The following DCAF6 variants were observed in gnomAD, a reference collection of about 807,000 sequenced individuals.
The protein encoded by DCAF6 is DDB1- and CUL4-associated factor 6.
In DCAF6, 54 loss-of-function variants were observed where a neutral mutation model predicts 125.1. That is an observed-to-expected ratio of 0.43 (90% CI 0.35 to 0.54). The LOEUF is 0.54. Among genes scored for constraint, DCAF6 ranks in the 20% least tolerant of loss-of-function variants. The pLI, the probability that DCAF6 is intolerant of heterozygous loss-of-function variation, is 0.01. For missense variants in DCAF6, 934 were observed against 1,161.7 expected (o/e 0.80, Z 2.85); for synonymous variants, 371 against 390.4 (o/e 0.95, Z 0.58).
chr1:167,967,397 C>T (rs1676576514), intron 3 of DCAF6, among the ~76,000 whole-genome samples: 2 of 152,132 alleles, frequency 1.3e-5, no homozygotes, highest in Non-Finnish European at 2.9e-5. Flanking sequence ...AAATAGCATT[C>T]CATTTTATCC....
chr1:168,072,927 T>A (rs1440514138), intron 21 of DCAF6, among the ~76,000 whole-genome samples: 1 of 152,168 alleles, frequency 6.6e-6, no homozygotes, highest in Non-Finnish European at 1.5e-5. Flanking sequence ...ATGTAAACCT[T>A]ATTTACAAAA....
At chr1:167,910,781 G>A in the DCAF6 span, among the ~76,000 whole-genome samples, 62 of 152,286 alleles carry the variant, frequency 4.1e-4, no homozygotes, top group Admixed American at 1.3e-3. Context: ...TGAGCAGGGC[G>A]TAGCTCTATT....
the DCAF6 span, among the ~76,000 whole-genome samples, chr1:167,916,557 CAGAAA>C: frequency 0.13 from 19,157 of 151,462 alleles, 1,512 homozygotes; most frequent in African/African-American, 0.22. Flanking sequence ...AGTTTTGGGG[CAGAAA>C]AGAAAAGAAG....
intron 14 of DCAF6, 22 bp downstream of exon 14, chr1:168,043,162 G>A: frequency 6.4e-7 from 1 of 1,570,424 alleles, no homozygotes; most frequent in Non-Finnish European, 8.7e-7. Context: ...TTTTGCTTTT[G>A]TTGTTATAAA....
At chr1:167,881,042 G>A in the DCAF6 span, among the ~76,000 whole-genome samples, 88 of 152,272 alleles carry the variant, frequency 5.8e-4, no homozygotes, top group Middle Eastern at 3.4e-3. Context: ...AGGAACTTCC[G>A]TTTATCTCTC....
intron 6 of DCAF6, among the ~76,000 whole-genome samples, chr1:167,992,863 T>G (rs1681060011): frequency 6.6e-6 from 1 of 152,256 alleles, no homozygotes. Context: ...AGTATGCTAA[T>G]AAGTATTAGC....
At chr1:167,907,860 A>G in the DCAF6 span, among the ~76,000 whole-genome samples, 4,456 of 152,336 alleles carry the variant, frequency 0.029, 193 homozygotes, top group African/African-American at 0.099. Flanking sequence ...GAATAAAGAA[A>G]ATATAATTGG....
At chr1:168,028,733 A>C (rs1217811459) in intron 12 of DCAF6, among the ~76,000 whole-genome samples, 2 of 152,194 alleles carry the variant, frequency 1.3e-5, no homozygotes, top group Non-Finnish European at 2.9e-5. Context: ...CCATGCATTA[A>C]ATATGTATTA....
At chr1:167,923,513 A>G in the DCAF6 span, among the ~76,000 whole-genome samples, 2 of 152,150 alleles carry the variant, frequency 1.3e-5, no homozygotes, top group Admixed American at 6.5e-5. Flanking sequence ...TAGAGACAGA[A>G]GGTAGAATGG....
chr1:167,920,911 C>T, the DCAF6 span, among the ~76,000 whole-genome samples: 1 of 152,140 alleles, frequency 6.6e-6, no homozygotes, highest in East Asian at 1.9e-4. Context: ...ATGCATTACA[C>T]GTACATATAT....
chr1:168,050,819 T>C, intron 16 of DCAF6, 73 bp from the exon 17 acceptor site: 1 of 825,304 alleles, frequency 1.2e-6, no homozygotes, highest in East Asian at 3.1e-5. Context: ...AAAAAGGGTG[T>C]CCTTAATGCT....
chr1:167,992,327 A>G (rs1680972823), intron 6 of DCAF6, among the ~76,000 whole-genome samples: 1 of 151,874 alleles, frequency 6.6e-6, no homozygotes, highest in African/African-American at 2.4e-5. Flanking sequence ...TTATATTGTT[A>G]AAAATAAAGG....
chr1:167,913,203 G>GA, the DCAF6 span, among the ~76,000 whole-genome samples: 2 of 152,172 alleles, frequency 1.3e-5, no homozygotes, highest in African/African-American at 4.8e-5. Flanking sequence ...GCAAGCAGGC[G>GA]AATGAGGCCC....
At chr1:167,921,290 T>C in the DCAF6 span, among the ~76,000 whole-genome samples, 2 of 152,052 alleles carry the variant, frequency 1.3e-5, no homozygotes, top group African/African-American at 4.8e-5. Context: ...TGGTGCGATC[T>C]AGGCTCACTG....
At chr1:167,959,799 C>T (rs11578006) in intron 2 of DCAF6, among the ~76,000 whole-genome samples, 16,495 of 152,070 alleles carry the variant, frequency 0.11, 1,012 homozygotes, top group African/African-American at 0.16. Flanking sequence ...GAAAGTATTT[C>T]CCCTGTCTTG....
chr1:167,939,431 A>T (rs923165160), intron 1 of DCAF6, among the ~76,000 whole-genome samples: 14 of 152,206 alleles, frequency 9.2e-5, no homozygotes, highest in African/African-American at 2.9e-4. Flanking sequence ...ATTATTATTA[A>T]TTTTATTTTT....
the DCAF6 span, among the ~76,000 whole-genome samples, chr1:167,928,717 A>G: frequency 2.6e-5 from 4 of 152,226 alleles, no homozygotes; most frequent in Non-Finnish European, 5.9e-5. Flanking sequence ...CTCATAGGAG[A>G]GCATAAAAAT....
intron 1 of DCAF6, among the ~76,000 whole-genome samples, chr1:167,943,426 A>G (rs984365898): frequency 6.6e-6 from 1 of 152,052 alleles, no homozygotes; most frequent in Admixed American, 6.6e-5. Context: ...GCATTCTTTG[A>G]TTCTCTCAGC....
the DCAF6 span, among the ~76,000 whole-genome samples, chr1:167,875,716 C>G: frequency 6.6e-6 from 1 of 152,136 alleles, no homozygotes; most frequent in Non-Finnish European, 1.5e-5. Flanking sequence ...TTTGGGAGGC[C>G]GAGGTGGGCA....
Sources: gnomAD v4.1 joint callset for allele counts (sites outside exome capture counted in the v4.1 genomes callset) on GRCh38, gnomAD v4.1.1 for gene constraint, MANE v1.5 for transcripts, NCBI Gene and HGNC (gene_info 2026-07-23, HGNC 2026-07-21) for gene names.